MAST4: variants seen among roughly 807,000 people sequenced by gnomAD.
The protein encoded by MAST4 is microtubule associated serine/threonine kinase family member 4.
Under a neutral mutation model 162.7 loss-of-function variants are expected in MAST4, and 89 were observed. The ratio of observed to expected loss-of-function variants is 0.55; its 90% confidence interval spans 0.46 to 0.65. The LOEUF is 0.65. Ranked by LOEUF, MAST4 falls within the 30% of genes least tolerant of loss-of-function variation. MAST4 has a pLI of 0.00. For synonymous variants in MAST4, 1,479 were observed against 1,361.1 expected, an observed-to-expected ratio of 1.09 and a Z score of -1.91; for missense variants, 3,153 against 3,374.0, an observed-to-expected ratio of 0.93 and a Z score of 1.62.
chr5:66,677,368 C>T lies in MAST4; in HGVS notation c.363+80350C>T, dbSNP rs76063816. ...GACTAATTTCATTCCTTTGGCATTT[C>T]TCCTCCCTGTTCTCTAACCTCTCTT... On this transcript the variant is annotated intron_variant, in intron 1 of 28. Transcript: ENST00000403625. Among the ~76,000 whole-genome samples, 792 of 152,306 alleles carry T rather than the reference C, an allele frequency of 5.2e-3. 9 individuals carry two copies. The highest frequency in any genetic ancestry group is 0.018 in the African/African-American group (757 of 41,558).
At chr5:66,874,024 C>T (rs2149882123) in intron 3 of MAST4, among the ~76,000 whole-genome samples, 1 of 152,132 alleles carries the variant, frequency 6.6e-6, no homozygotes, top group African/African-American at 2.4e-5. Context: ...CTTAGAAAGC[C>T]TTTTGTACTT....
chr5:66,721,346 A>G (rs2149538768), intron 1 of MAST4, among the ~76,000 whole-genome samples: 1 of 152,156 alleles, frequency 6.6e-6, no homozygotes, highest in African/African-American at 2.4e-5. Context: ...TCAATGTCAT[A>G]ATCACCGCTC....
At chr5:66,898,953 A>C (rs1270595231) in intron 3 of MAST4, among the ~76,000 whole-genome samples, 1 of 152,202 alleles carries the variant, frequency 6.6e-6, no homozygotes, top group Non-Finnish European at 1.5e-5. Flanking sequence ...CAATAAAAAT[A>C]AGAGACAGGA....
In MAST4 at chr5:66,798,450, C is replaced by T. The variant is rs150157661; in HGVS notation, c.642+9656C>T. Among the ~76,000 whole-genome samples the T allele has an allele frequency of 1.3e-3, 199 of 152,306 alleles. 1 individual carries two copies. The highest frequency in any genetic ancestry group is 4.7e-3 in the African/African-American group (196 of 41,564). ...GCTGTCATTCCAAGCCCTAGTGCTT[C>T]TACAGGTTTGTTTCCTCAGATCCCA... On this transcript the variant is annotated intron_variant, in intron 3 of 28. Transcript: ENST00000403625.
At chr5:67,036,557 A>G (rs534166511) in intron 4 of MAST4, among the ~76,000 whole-genome samples, 2 of 152,302 alleles carry the variant, frequency 1.3e-5, no homozygotes, top group Admixed American at 6.5e-5. Context: ...AAAATCTGAT[A>G]TAAGATGACA....
rs1276498848 is a variant in MAST4, at chr5:67,165,636, A to T, written c.6457A>T (p.Ser2153Cys). 1.2e-6 allele frequency: 2 copies of T among 1,611,012 alleles called. No individual in the cohort carries two copies. The highest frequency in any genetic ancestry group is 3.4e-5 in the Admixed American group (2 of 59,564). ...LSSPAARQHC[S>C]SPSHASGREP... ...CAGCCCGGCTGCCAGGCAGCATTGC[A>T]GTTCCCCAAGCCACGCTTCTGGCAG... Residue 2153 changes from serine to cysteine, a missense_variant, in exon 29 of 29, where the codon AGT becomes TGT. Physicochemically the swap from Ser to Cys is moderately radical, Grantham distance 112 (BLOSUM62 -1). Coordinates refer to ENST00000403625, the MANE Select transcript of MAST4 (RefSeq NM_001164664.2).
At chr5:66,827,340 A>G (rs775868276) in intron 3 of MAST4, among the ~76,000 whole-genome samples, 2 of 152,214 alleles carry the variant, frequency 1.3e-5, no homozygotes, top group African/African-American at 2.4e-5. Flanking sequence ...TCAAATCAAC[A>G]TGCCTAAGTG....
intron 1 of MAST4, among the ~76,000 whole-genome samples, chr5:66,742,740 A>AAT (rs2149575997): frequency 6.6e-6 from 1 of 152,254 alleles, no homozygotes; most frequent in African/African-American, 2.4e-5. Flanking sequence ...GTGCTCTTGT[A>AAT]ACCTACAGGA....
chr5:67,093,065 A>G (rs1395170660), intron 6 of MAST4, among the ~76,000 whole-genome samples: 1 of 152,202 alleles, frequency 6.6e-6, no homozygotes, highest in Non-Finnish European at 1.5e-5. Flanking sequence ...CTTCCTCTTC[A>G]TACAGTTAGA....
chr5:66,771,520 A>G (rs944737690), intron 2 of MAST4, among the ~76,000 whole-genome samples: 1 of 152,150 alleles, frequency 6.6e-6, no homozygotes, highest in Non-Finnish European at 1.5e-5. Flanking sequence ...GAGGCTCTGT[A>G]TGCCAATTAG....
intron 3 of MAST4, among the ~76,000 whole-genome samples, chr5:66,876,417 G>A (rs992747402): frequency 3.3e-5 from 5 of 152,102 alleles, no homozygotes; most frequent in African/African-American, 1.2e-4. Flanking sequence ...GGAGATAGGG[G>A]ATGTGACACA....
Position 67,163,761 on chromosome 5 carries a change from G to C in MAST4, c.4582G>C (p.Asp1528His). 1 of 1,610,148 alleles carries C rather than the reference G, an allele frequency of 6.2e-7. No individual in the cohort carries two copies. ...VGRQESVDDL[D>H]RDKLKAKVVV... is the part of the protein sequence containing the mutation. ...CCGCCAGGAGTCTGTGGACGACCTG[G>C]ACCGCGACAAGCTGAAGGCCAAGGT... Residue 1528 changes from aspartate (D) to histidine (H), a missense_variant, in exon 29 of 29, where the codon GAC becomes CAC. Physicochemically the swap from Asp to His is moderately conservative, Grantham distance 81. Transcript: ENST00000403625. This position sits in a 1 kb window ranked among gnomAD's most constrained non-coding sequence, Gnocchi z 7.0.
At chr5:66,942,321 C>G (rs1743454876) in intron 4 of MAST4, among the ~76,000 whole-genome samples, 1 of 152,092 alleles carries the variant, frequency 6.6e-6, no homozygotes, top group African/African-American at 2.4e-5. Flanking sequence ...TTATTATGTT[C>G]TATATTCCAG....
intron 1 of MAST4, among the ~76,000 whole-genome samples, chr5:66,667,670 A>G (rs1039114085): frequency 3.9e-5 from 6 of 152,174 alleles, no homozygotes; most frequent in African/African-American, 1.4e-4. Context: ...AGTGAATTTT[A>G]ATCTGTTCTT....
At chr5:66,648,670 T>C (rs1210224670) in intron 1 of MAST4, among the ~76,000 whole-genome samples, 1 of 152,188 alleles carries the variant, frequency 6.6e-6, no homozygotes, top group African/African-American at 2.4e-5. Context: ...AACTGTGTCC[T>C]GAGATGTTTC....
intron 26 of MAST4, among the ~76,000 whole-genome samples, chr5:67,154,367 A>C (rs1469122117): frequency 2.0e-5 from 3 of 152,260 alleles, no homozygotes; most frequent in African/African-American, 7.2e-5. Flanking sequence ...ACAACATTAG[A>C]ATAAGAAATA....
chr5:67,027,860 A>G (rs2150416153), intron 4 of MAST4, among the ~76,000 whole-genome samples: 1 of 152,280 alleles, frequency 6.6e-6, no homozygotes, highest in East Asian at 1.9e-4. Context: ...TGAAGCTTGG[A>G]ATTTGGAGCT....
intron 12 of MAST4, chr5:67,114,521 G>T: frequency 3.6e-6 from 1 of 279,264 alleles, no homozygotes; most frequent in Non-Finnish European, 6.6e-6. Flanking sequence ...TCACTGAGTA[G>T]TTTTTCTCTT....
intron 6 of MAST4, chr5:67,094,128 G>A (rs758039183): frequency 3.5e-6 from 5 of 1,428,148 alleles, no homozygotes; most frequent in Non-Finnish European, 4.8e-6. Context: ...TAACATACTT[G>A]ATTCATTTGT....
Sources: allele counts gnomAD v4.1 joint callset (sites outside exome capture counted in the v4.1 genomes callset), GRCh38; gene constraint gnomAD v4.1.1; non-coding constraint Gnocchi (gnomAD v3.1); transcripts MANE v1.5; gene names NCBI Gene and HGNC (gene_info 2026-07-23, HGNC 2026-07-21).